PARD3B: variants seen among roughly 807,000 people sequenced by gnomAD.
PARD3B encodes the protein partitioning defective 3 homolog B.
PARD3B carries 103 observed loss-of-function variants against 130.2 expected under a neutral mutation model. That is an observed-to-expected ratio of 0.79 (90% CI 0.67 to 0.93). The LOEUF (loss-of-function observed/expected upper bound fraction) is 0.93. Among genes scored for constraint, PARD3B ranks in the 40% least tolerant of loss-of-function variants. PARD3B has a pLI of 0.00. For synonymous variants in PARD3B, 583 were observed against 553.2 expected, an observed-to-expected ratio of 1.05 and a Z score of -0.76; for missense variants, 1,609 against 1,499.2, an observed-to-expected ratio of 1.07 and a Z score of -1.21.
rs1299259377 is a variant in PARD3B at position 205,241,345 on chromosome 2, A to G, written c.2141-4433A>G. Among the ~76,000 whole-genome samples the G allele has an allele frequency of 6.6e-6, 1 of 152,186 alleles. No homozygotes were observed. Among genetic ancestry groups the G allele is most frequent in the East Asian group, 1.9e-4 (1 of 5,200 alleles). On this transcript the variant is annotated intron_variant, in intron 15 of 22. Coordinates refer to ENST00000406610, the MANE Select transcript of PARD3B (RefSeq NM_001302769.2). This position sits in a 1 kb window ranked among gnomAD's most constrained non-coding sequence, Gnocchi z 4.2. Reference sequence around the variant, plus strand: ...AAATCCTATTATCTAAATAAATCGGAAGAAAGATCAAGAGGAGGCAGTCCA... The same window carrying G: ...AAATCCTATTATCTAAATAAATCGGGAGAAAGATCAAGAGGAGGCAGTCCA...
intron 1 of PARD3B, among the ~76,000 whole-genome samples, chr2:204,636,231 C>G (rs972606666): frequency 6.6e-6 from 1 of 152,012 alleles, no homozygotes; most frequent in African/African-American, 2.4e-5. Context: ...TCATGGTGTA[C>G]TGTAGACCCA....
At chr2:204,582,569 C>T (rs1206144446) in intron 1 of PARD3B, among the ~76,000 whole-genome samples, 6 of 152,138 alleles carry the variant, frequency 3.9e-5, no homozygotes, top group Non-Finnish European at 7.4e-5. Context: ...TTCCACAGCA[C>T]GGGTGGGTTT....
chr2:205,247,058 A>G (rs1035007313), intron 16 of PARD3B, among the ~76,000 whole-genome samples: 1 of 152,232 alleles, frequency 6.6e-6, no homozygotes, highest in Non-Finnish European at 1.5e-5. Context: ...TCTACTGCTT[A>G]TAGTTCTCTT....
At chr2:205,496,333 C>A (rs1204324661) in intron 20 of PARD3B, among the ~76,000 whole-genome samples, 1 of 152,078 alleles carries the variant, frequency 6.6e-6, no homozygotes. Flanking sequence ...CCTAATCTTA[C>A]CACCTTAAAT....
At chr2:205,165,749 A>AAGCT in intron 11 of PARD3B, among the ~76,000 whole-genome samples, 2 of 150,518 alleles carry the variant, frequency 1.3e-5, no homozygotes, top group Non-Finnish European at 1.5e-5. Flanking sequence ...AAATAAATAA[A>AAGCT]TAAATAAATA....
intron 1 of PARD3B, among the ~76,000 whole-genome samples, chr2:204,619,758 AAAG>A (rs1426412484): frequency 6.6e-6 from 1 of 152,230 alleles, no homozygotes; most frequent in Non-Finnish European, 1.5e-5. Context: ...CCTGTAGCAG[AAAG>A]AAGAATGCCA....
At chr2:205,000,959 T>C (rs936908326) in intron 3 of PARD3B, among the ~76,000 whole-genome samples, 9 of 152,162 alleles carry the variant, frequency 5.9e-5, no homozygotes, top group African/African-American at 1.9e-4. Context: ...TTGACTTTAC[T>C]GTATTGCTTT....
intron 15 of PARD3B, among the ~76,000 whole-genome samples, chr2:205,240,653 C>G (rs2039311952): frequency 6.6e-6 from 1 of 152,144 alleles, no homozygotes; most frequent in South Asian, 2.1e-4. Context: ...TAGCAATATA[C>G]AATCTTCTGT....
intron 2 of PARD3B, among the ~76,000 whole-genome samples, chr2:204,718,844 A>G (rs779949332): frequency 6.6e-6 from 1 of 152,224 alleles, no homozygotes; most frequent in South Asian, 2.1e-4. Flanking sequence ...GAGGCCAGTC[A>G]CATGACATGT....
intron 21 of PARD3B, among the ~76,000 whole-genome samples, chr2:205,524,215 T>TTTATTGATGGCTTCA (rs1485782143): frequency 6.6e-6 from 1 of 152,312 alleles, no homozygotes; most frequent in East Asian, 1.9e-4. Flanking sequence ...TTGTGTTCTT[T>TTTATTGATGGCTTCA]TTATTGATGG....
chr2:205,111,792 T>G (rs1390362959), intron 5 of PARD3B, among the ~76,000 whole-genome samples: 1 of 152,050 alleles, frequency 6.6e-6, no homozygotes, highest in Non-Finnish European at 1.5e-5. Flanking sequence ...AAGGTAAGGG[T>G]AATAATTTTC....
chr2:205,367,666 C>A (rs1319739418), intron 18 of PARD3B, among the ~76,000 whole-genome samples: 1 of 152,104 alleles, frequency 6.6e-6, no homozygotes, highest in African/African-American at 2.4e-5. Context: ...ATCTCAGAGG[C>A]CAAAACCACC....
chr2:204,756,414 C>G lies in PARD3B; in HGVS notation c.222+70132C>G, dbSNP rs74638023. Among the ~76,000 whole-genome samples, 266 of 151,650 alleles carry G rather than the reference C, an allele frequency of 1.8e-3. 1 individual carries two copies. Among genetic ancestry groups the G allele is most frequent in the African/African-American group, 6.2e-3 (257 of 41,138 alleles). On this transcript the variant is annotated intron_variant, in intron 2 of 22. Coordinates refer to ENST00000406610, the MANE Select transcript of PARD3B (RefSeq NM_001302769.2). Reference sequence around the variant, plus strand: ...TGAATAGTGATACAAATGGTTGTTACCAAGAGTTATATTTTTTCTCCATTA... The same window carrying G: ...TGAATAGTGATACAAATGGTTGTTAGCAAGAGTTATATTTTTTCTCCATTA...
chr2:204,791,026 ACC>A (rs913933614), intron 2 of PARD3B, among the ~76,000 whole-genome samples: 2 of 151,860 alleles, frequency 1.3e-5, no homozygotes, highest in Non-Finnish European at 2.9e-5. Context: ...AATCACTTGA[ACC>A]CGGGAAGCAG....
intron 2 of PARD3B, among the ~76,000 whole-genome samples, chr2:204,793,286 A>G (rs943020908): frequency 6.6e-6 from 1 of 152,008 alleles, no homozygotes; most frequent in Non-Finnish European, 1.5e-5. Flanking sequence ...TGGCTTGTCT[A>G]TTCTCTGCTA....
chr2:204,602,662 A>G (rs569217194), intron 1 of PARD3B, among the ~76,000 whole-genome samples: 30 of 149,912 alleles, frequency 2.0e-4, no homozygotes, highest in Non-Finnish European at 3.9e-4. Flanking sequence ...GATCAAATCA[A>G]CCCTTATTGT....
At position 205,021,632 on chromosome 2, in the gene PARD3B, C is replaced by A. The variant is rs1225069074; in HGVS notation, c.395-25949C>A. ...TCTCTCTCTCTCTCCCTCTCTCTTT[C>A]TCTCTCTCTCTCTCTCTCTATATAT... is the stretch of plus-strand genomic sequence containing the variant. On this transcript the variant is annotated intron_variant, in intron 3 of 22. Coordinates refer to ENST00000406610, the MANE Select transcript of PARD3B (RefSeq NM_001302769.2). The surrounding 1 kb of genome is among the most constrained non-coding windows in gnomAD (Gnocchi z 4.5). Among the ~76,000 whole-genome samples, 1 of 125,962 alleles carries A rather than the reference C, an allele frequency of 7.9e-6. No individual in the cohort carries two copies. Among genetic ancestry groups the A allele is most frequent in the South Asian group, 2.5e-4 (1 of 3,984 alleles). The allele number at this position is 125,962 out of a possible 152,430, so 82.6% of individuals were successfully genotyped here.
chr2:205,435,431 A>G (rs1297811706), intron 19 of PARD3B, among the ~76,000 whole-genome samples: 3 of 152,056 alleles, frequency 2.0e-5, no homozygotes, highest in Admixed American at 6.6e-5. Flanking sequence ...TTTAATTATA[A>G]TAAAGAAATT....
At chr2:204,745,677 A>G (rs2040191125) in intron 2 of PARD3B, among the ~76,000 whole-genome samples, 1 of 152,098 alleles carries the variant, frequency 6.6e-6, no homozygotes, top group African/African-American at 2.4e-5. Flanking sequence ...TGCTTGGATT[A>G]CAGGCATGAG....
Sources: gnomAD v4.1 joint callset for allele counts (sites outside exome capture counted in the v4.1 genomes callset) on GRCh38, gnomAD v4.1.1 for gene constraint, Gnocchi (gnomAD v3.1) non-coding constraint, MANE v1.5 for transcripts, NCBI Gene and HGNC (gene_info 2026-07-23, HGNC 2026-07-21) for gene names.